CD274: variants seen among roughly 807,000 people sequenced by gnomAD.
CD274 encodes the protein CD274 molecule, also known as programmed cell death 1 ligand 1.
Under a neutral mutation model 30.1 loss-of-function variants are expected in CD274, and 8 were observed. The observed-to-expected ratio is 0.27, with a 90% CI of 0.16 to 0.48. The LOEUF (loss-of-function observed/expected upper bound fraction) is 0.48, where lower values mean the gene tolerates loss of function less well. CD274 is among the 20% of genes least tolerant of loss of function. CD274 has a pLI of 0.99. For missense variants in CD274, 353 were observed against 346.6 expected, an observed-to-expected ratio of 1.02 and a Z score of -0.15; for synonymous variants, 152 against 124.6, an observed-to-expected ratio of 1.22 and a Z score of -1.46.
rs745310222 is a variant in CD274 at position 5,467,910 on chromosome 9, G to C, written c.*48G>C. ...TTCAAGCAGGGATTCTCAACCTGTG[G>C]TTTAGGGGTTCATCGGGGCTGAGCG... On this transcript the variant is annotated 3_prime_UTR_variant, in exon 7 of 7. Transcript: ENST00000381577. 14 of 1,535,250 alleles carry C rather than the reference G, an allele frequency of 9.1e-6. No homozygotes were observed. The East Asian group carries it at 3.1e-4, about 35-fold the overall frequency.
At chr9:5,451,401 T>C (rs975325373) in intron 1 of CD274, among the ~76,000 whole-genome samples, 3 of 152,264 alleles carry the variant, frequency 2.0e-5, no homozygotes, top group Non-Finnish European at 4.4e-5. Flanking sequence ...AGCCATTCAC[T>C]GAACTCATTG....
intron 3 of CD274, among the ~76,000 whole-genome samples, chr9:5,460,683 T>A (rs575211981): frequency 1.8e-4 from 27 of 152,200 alleles, no homozygotes; most frequent in Non-Finnish European, 2.8e-4. Context: ...CCTATATTTG[T>A]ACCTCTGGTG....
intron 3 of CD274, among the ~76,000 whole-genome samples, chr9:5,460,185 A>G (rs925474049): frequency 3.9e-5 from 6 of 152,204 alleles, no homozygotes; most frequent in African/African-American, 7.2e-5. Context: ...AAAATTTTGG[A>G]AACATGAACA....
chr9:5,461,253 T>A (rs560107854), intron 3 of CD274, among the ~76,000 whole-genome samples: 76 of 152,308 alleles, frequency 5.0e-4, no homozygotes, highest in African/African-American at 1.8e-3. Context: ...TGGGTTGTGC[T>A]TGAATTATTA....
At chr9:5,453,691 T>G (rs1234068837) in intron 1 of CD274, among the ~76,000 whole-genome samples, 1 of 152,244 alleles carries the variant, frequency 6.6e-6, no homozygotes, top group African/African-American at 2.4e-5. Context: ...GATAAGGTTA[T>G]AAATTACTTT....
chr9:5,459,036 GGAAGGGA>G (rs1819357009), intron 3 of CD274, among the ~76,000 whole-genome samples: 5 of 152,088 alleles, frequency 3.3e-5, no homozygotes, highest in Admixed American at 3.3e-4. Flanking sequence ...GAGTGTGTAG[GGAAGGGA>G]CAGCTGTCCT....
chr9:5,457,251 G>A lies in CD274; in HGVS notation c.225G>A (p.Lys75=), dbSNP rs2131212018. Residue 75 remains lysine (K), a synonymous_variant, in exon 3 of 7, where the codon AAG becomes AAA. Coordinates refer to ENST00000381577, the MANE Select transcript of CD274 (RefSeq NM_014143.4). ...TTGTGCATGGAGAGGAAGACCTGAA[G>A]GTTCAGCATAGTAGCTACAGACAGA... is the stretch of plus-strand genomic sequence containing the variant. ...IQFVHGEEDL[K]VQHSSYRQRA... The A allele has an allele frequency of 1.2e-6, 2 of 1,614,076 alleles. No homozygotes were observed. Among genetic ancestry groups the A allele is most frequent in the East Asian group, 2.2e-5 (1 of 44,880 alleles).
rs1379213534 is a variant in CD274 at position 5,469,435 on chromosome 9, T to C, written c.*1573T>C. The C allele has an allele frequency of 8.6e-6, 2 of 231,726 alleles. No individual in the cohort carries two copies. The highest frequency in any genetic ancestry group is 1.7e-5 in the Non-Finnish European group (2 of 117,184). The allele number at this position is 231,726 out of a possible 1,614,324, so 14.4% of individuals were successfully genotyped here. Reference sequence around the variant, plus strand: ...AGCAACTGCTACTGCCTTTCATTCATATGTTCTTCTAAAGATAGTCTACAT... The same window carrying C: ...AGCAACTGCTACTGCCTTTCATTCACATGTTCTTCTAAAGATAGTCTACAT... On this transcript the variant is annotated 3_prime_UTR_variant, in exon 7 of 7. Transcript: ENST00000381577.
intron 3 of CD274, 69 bp downstream of exon 3, chr9:5,457,489 A>T: frequency 7.9e-7 from 1 of 1,268,898 alleles, no homozygotes; most frequent in South Asian, 1.3e-5. Flanking sequence ...AAGACTTTTC[A>T]TTCTTGTAAG....
At chr9:5,467,757 G>T in intron 6 of CD274, 83 bp from the exon 7 acceptor site, 1 of 1,066,592 alleles carries the variant, frequency 9.4e-7, no homozygotes, top group South Asian at 1.3e-5. Flanking sequence ...CAGCAACTAT[G>T]AGTTATGTTT....
intron 3 of CD274, among the ~76,000 whole-genome samples, chr9:5,458,636 A>T (rs1490162379): frequency 6.6e-6 from 1 of 152,252 alleles, no homozygotes; most frequent in Non-Finnish European, 1.5e-5. Flanking sequence ...CTATAAACTC[A>T]AAAACAAAAT....
chr9:5,464,375 A>G (rs1015295346), intron 4 of CD274, among the ~76,000 whole-genome samples: 3 of 152,156 alleles, frequency 2.0e-5, no homozygotes, highest in Non-Finnish European at 2.9e-5. Flanking sequence ...ACTGAAATAA[A>G]ACATACGTGA....
Position 5,468,170 on chromosome 9 carries a change from T to A in CD274, c.*308T>A, listed in dbSNP as rs1819528427. 2.4e-6 allele frequency: 1 copy of A among 422,750 alleles called. No individual in the cohort carries two copies. Among genetic ancestry groups the A allele is most frequent in the Non-Finnish European group, 4.3e-6 (1 of 235,234 alleles). The allele number at this position is 422,750 out of a possible 1,614,324, so 26.2% of individuals were successfully genotyped here. On this transcript the variant is annotated 3_prime_UTR_variant, in exon 7 of 7. Coordinates refer to ENST00000381577, the MANE Select transcript of CD274 (RefSeq NM_014143.4). ...AGCCTCCAAGCAAATCATCCATTGC[T>A]CATCCTAGGAAGACGGGTTGAGAAT...
At chr9:5,450,659 A>C (rs926649962) in intron 1 of CD274, 63 bp downstream of exon 1, 1 of 152,200 alleles carries the variant, frequency 6.6e-6, no homozygotes. Context: ...CTCGCTGGGC[A>C]CTTTAGGACG....
At position 5,468,742 on chromosome 9, in the gene CD274, G is replaced by A. The variant is rs1819538502; in HGVS notation, c.*880G>A. On this transcript the variant is annotated 3_prime_UTR_variant, in exon 7 of 7. Coordinates refer to ENST00000381577, the MANE Select transcript of CD274 (RefSeq NM_014143.4). ...ATTATTTTACCCATCGTACAGCTGA[G>A]GAAGCAAACAGATTAAGTAACTTGC... The A allele has an allele frequency of 4.3e-6, 1 of 232,964 alleles. No homozygotes were observed. The highest frequency in any genetic ancestry group is 1.8e-4 in the South Asian group (1 of 5,528). 14.4% of individuals were successfully genotyped at this position (232,964 alleles called of 1,614,324 possible).
intron 1 of CD274, among the ~76,000 whole-genome samples, chr9:5,452,043 T>TTTTG (rs1819214772): frequency 6.7e-6 from 1 of 149,888 alleles, no homozygotes. Context: ...TTTTTTTTTT[T>TTTTG]GAGACAGAGT....
In CD274 at chr9:5,463,081, A is replaced by C. The variant is rs1819435414; in HGVS notation, c.642A>C (p.Leu214Phe). Residue 214 changes from leucine to phenylalanine, a missense_variant, in exon 4 of 7, where the codon TTA (leucine) becomes TTC (phenylalanine). Physicochemically the swap from Leu to Phe is conservative, Grantham distance 22. Transcript: ENST00000381577. ...TTTTCTACTGCACTTTTAGGAGATT[A>C]GATCCTGAGGAAAACCATACAGCTG... ...NEIFYCTFRR[L>F]DPEENHTAEL... The C allele has an allele frequency of 6.2e-7, 1 of 1,613,848 alleles. No individual in the cohort carries two copies. Among genetic ancestry groups the C allele is most frequent in the Non-Finnish European group, 8.5e-7 (1 of 1,179,844 alleles).
intron 6 of CD274, 65 bp downstream of exon 6, chr9:5,466,894 AAG>A: frequency 8.2e-7 from 1 of 1,222,680 alleles, no homozygotes; most frequent in South Asian, 1.3e-5. Context: ...AGCAATAACA[AAG>A]AGAAATCCAT....
rs1310539027 is a variant in CD274 at position 5,469,334 on chromosome 9, A to G, written c.*1472A>G. 1 of 232,622 alleles carries G rather than the reference A, an allele frequency of 4.3e-6. No individual in the cohort carries two copies. The highest frequency in any genetic ancestry group is 8.5e-6 in the Non-Finnish European group (1 of 117,752). 14.4% of individuals were successfully genotyped at this position (232,622 alleles called of 1,614,324 possible). A position where few individuals can be genotyped will look rare whatever the true frequency, so the allele number is the denominator to read the frequency against. On this transcript the variant is annotated 3_prime_UTR_variant, in exon 7 of 7. Transcript: ENST00000381577. ...AAATTCATACCTTTCCATGATTCAA[A>G]ATTCAAAAGATCCCATGGGAGATGG...
Sources: allele counts gnomAD v4.1 joint callset (sites outside exome capture counted in the v4.1 genomes callset), GRCh38; gene constraint gnomAD v4.1.1; transcripts MANE v1.5; gene names NCBI Gene and HGNC (gene_info 2026-07-23, HGNC 2026-07-21).